Variants in NPC1 observed in about 807,000 individuals in gnomAD.
NPC1 encodes the protein NPC intracellular cholesterol transporter 1.
In NPC1, 85 loss-of-function variants were observed where a neutral mutation model predicts 140.4. The observed-to-expected ratio is 0.61, with a 90% CI of 0.51 to 0.72. The LOEUF is 0.72. Among genes scored for constraint, NPC1 ranks in the 30% least tolerant of loss-of-function variants. NPC1 has a pLI of 0.00. For missense variants in NPC1, 1,504 were observed against 1,623.8 expected (o/e 0.93, Z 1.27); for synonymous variants, 656 against 624.8 (o/e 1.05, Z -0.74).
At chr18:23,515,721 T>G (rs1308166021) in intron 3 of NPC1, 2 of 951,654 alleles carry the variant, frequency 2.1e-6, no homozygotes, top group Non-Finnish European at 3.1e-6. Flanking sequence ...TTAGTAGAGA[T>G]GGGGTTTTAC....
chr18:23,578,147 C>G (rs1008087493), intron 1 of NPC1, among the ~76,000 whole-genome samples: 1 of 152,242 alleles, frequency 6.6e-6, no homozygotes, highest in Admixed American at 6.5e-5. Context: ...GGGGAGGTGC[C>G]GAGAGCAAGC....
exon 2 of NPC1, chr18:23,522,462 A>G (rs1298883230): frequency 1.3e-5 from 2 of 152,222 alleles, no homozygotes; most frequent in African/African-American, 4.8e-5. Context: ...CTTTCTTAAA[A>G]CATTATGAGA....
At chr18:23,522,669 A>T (rs1335025000) in exon 2 of NPC1, 1 of 152,234 alleles carries the variant, frequency 6.6e-6, no homozygotes, top group Admixed American at 6.5e-5. Context: ...CCATCTGGTC[A>T]TAAGGGAACA....
At chr18:23,528,891 T>G (rs1419358241), downstream of NPC1, 5 of 295,064 alleles carry the variant, frequency 1.7e-5, no homozygotes, top group African/African-American at 6.7e-5. Context: ...CTGCTTTTTT[T>G]TTTTTGAGAC....
At chr18:23,573,699 C>A in intron 1 of NPC1, 125 bp from the exon 2 acceptor site, 1 of 1,099,386 alleles carries the variant, frequency 9.1e-7, no homozygotes, top group South Asian at 1.3e-5. Flanking sequence ...GTAACAGCAA[C>A]AGGCACTTAA....
chr18:23,561,434 G>A lies in NPC1; in HGVS notation c.557C>T (p.Ala186Val). 1.2e-6 allele frequency: 2 copies of A among 1,614,174 alleles called. No individual in the cohort carries two copies. The highest frequency in any genetic ancestry group is 8.5e-7 in the Non-Finnish European group (1 of 1,180,008). Reference protein sequence around the residue: ...LCGKDADACNATNWIEYMFNK... With the variant: ...LCGKDADACNVTNWIEYMFNK... ...GAACATGTATTCAATCCAGTTGGTG[G>A]CATTACAGGCGTCAGCGTCCTTCCC... The change falls in exon 5 of 25, where the codon GCC becomes GTC. Residue 186 changes from alanine to valine, a missense_variant. Transcript: ENST00000269228.
intron 3 of NPC1, chr18:23,509,526 T>A (rs1411445996): frequency 1.3e-5 from 3 of 223,382 alleles, no homozygotes; most frequent in East Asian, 9.6e-5. Context: ...TGTACCACCA[T>A]GCCTGGCTAA....
At chr18:23,528,045 T>A, downstream of NPC1, 1 of 647,454 alleles carries the variant, frequency 1.5e-6, no homozygotes, top group East Asian at 2.9e-5. Context: ...AAGGTGGCAG[T>A]AGTGGGGGAT....
intron 19 of NPC1, among the ~76,000 whole-genome samples, 195 bp downstream of exon 19, chr18:23,539,160 C>G: frequency 6.6e-6 from 1 of 152,074 alleles, no homozygotes; most frequent in African/African-American, 2.4e-5. Flanking sequence ...AGCTTGCAGC[C>G]CCGAGGGTGG....
At chr18:23,534,262 C>T in intron 23 of NPC1, 184 bp downstream of exon 23, 1 of 661,982 alleles carries the variant, frequency 1.5e-6, no homozygotes, top group African/African-American at 1.8e-5. Context: ...AGGAGCCGTA[C>T]CAACAGGTAC....
intron 1 of NPC1, chr18:23,582,032 G>A (rs932726473): frequency 3.3e-5 from 5 of 152,124 alleles, no homozygotes; most frequent in African/African-American, 1.2e-4. Flanking sequence ...CTAGTCAAGT[G>A]CAGTAGTGAG....
chr18:23,541,154 C>G lies in NPC1; in HGVS notation c.2428G>C (p.Val810Leu), dbSNP rs145362908. The change falls in exon 16 of 25, where the codon GTC becomes CTC. Residue 810 changes from valine (V) to leucine (L), a missense_variant. Val to Leu is a conservative substitution (Grantham distance 32). Transcript: ENST00000269228. The stretch of plus-strand genomic sequence containing the variant: ...AACAAACAGCTCTCTGAGGCCTGGA[C>G]GCTTGTTCCATCTTCAGCACCTCTG... ...CVRGAEDGTS[V>L]QASESCLFRF... The G allele has an allele frequency of 3.7e-6, 6 of 1,614,194 alleles. No homozygotes were observed. The highest frequency in any genetic ancestry group is 3.3e-5 in the Admixed American group (2 of 60,012).
chr18:23,573,288 T>C (rs2059229046), intron 2 of NPC1, among the ~76,000 whole-genome samples, 164 bp downstream of exon 2: 1 of 152,202 alleles, frequency 6.6e-6, no homozygotes, highest in Non-Finnish European at 1.5e-5. Flanking sequence ...ACGGTGTTCT[T>C]TCTCTGCACT....
downstream of NPC1, chr18:23,519,315 C>G (rs1008371415): frequency 1.5e-6 from 1 of 687,408 alleles, no homozygotes; most frequent in East Asian, 2.8e-5. Flanking sequence ...CCCAGGAGTT[C>G]GAGACCAGCC....
chr18:23,526,259 A>G (rs1254673334), downstream of NPC1, among the ~76,000 whole-genome samples: 1 of 152,228 alleles, frequency 6.6e-6, no homozygotes, highest in Non-Finnish European at 1.5e-5. Flanking sequence ...AAAGCACAGG[A>G]CTGAAGTTGA....
chr18:23,543,425 C>T (rs763097178), intron 14 of NPC1, 30 bp downstream of exon 14: 16 of 1,263,594 alleles, frequency 1.3e-5, no homozygotes, highest in Non-Finnish European at 1.7e-5. Flanking sequence ...CAGCAGACTA[C>T]AGGACTGGTA....
At chr18:23,507,846 G>A (rs2057753043) in intron 3 of NPC1, 6 of 584,802 alleles carry the variant, frequency 1.0e-5, no homozygotes, top group Non-Finnish European at 1.6e-5. Context: ...TATCTTTCCT[G>A]TGTTTTGGTT....
chr18:23,573,343 C>CCT, intron 2 of NPC1, 109 bp downstream of exon 2: 1 of 1,452,258 alleles, frequency 6.9e-7, no homozygotes. Context: ...AAGACTTAAG[C>CCT]CTGTTAGTCT....
At chr18:23,552,952 A>G (rs2058894747) in intron 9 of NPC1, among the ~76,000 whole-genome samples, 1 of 152,212 alleles carries the variant, frequency 6.6e-6, no homozygotes, top group African/African-American at 2.4e-5. Flanking sequence ...GGGGAGAAGA[A>G]GCAGGTAAGG....
Sources: allele counts gnomAD v4.1 joint callset (sites outside exome capture counted in the v4.1 genomes callset), GRCh38; gene constraint gnomAD v4.1.1; transcripts MANE v1.5; gene names NCBI Gene and HGNC (gene_info 2026-07-23, HGNC 2026-07-21).